Variants in ARHGEF26 observed in about 807,000 individuals in gnomAD.
ARHGEF26 encodes Rho guanine nucleotide exchange factor 26, also known as Rho guanine nucleotide exchange factor (GEF) 26.
In ARHGEF26, 59 loss-of-function variants were observed where a neutral mutation model predicts 89.4. That is an observed-to-expected ratio of 0.66 (90% confidence interval 0.54 to 0.82). ARHGEF26 has a LOEUF of 0.82. ARHGEF26 is among the 40% of genes least tolerant of loss of function. The pLI is 0.00. For synonymous variants in ARHGEF26, 500 were observed against 428.4 expected (o/e 1.17, Z -2.06); for missense variants, 1,234 against 1,085.6 (o/e 1.14, Z -1.92).
intron 11 of ARHGEF26, among the ~76,000 whole-genome samples, chr3:154,239,261 G>GGGAGAGAGAGA (rs1717314182): frequency 9.5e-6 from 1 of 105,586 alleles, no homozygotes; most frequent in African/African-American, 4.1e-5. Flanking sequence ...AGAGAGAGAG[G>GGGAGAGAGAGA]GAGAGAGAGA....
chr3:154,122,297 G>A lies in ARHGEF26; in HGVS notation c.305G>A (p.Arg102Lys). The A allele has an allele frequency of 6.2e-7, 1 of 1,612,734 alleles. No homozygotes were observed. Among genetic ancestry groups the A allele is most frequent in the Non-Finnish European group, 8.5e-7 (1 of 1,179,816 alleles). Residue 102 changes from arginine to lysine, a missense_variant, in exon 2 of 15, where the codon AGG becomes AAG. Arg to Lys is a conservative substitution (Grantham distance 26). Coordinates refer to ENST00000465093, the MANE Select transcript of ARHGEF26 (RefSeq NM_015595.4). ...GGTGGGACGGCATCCCCGGAGTACA[G>A]GGCTGCCTCTCCTCGACTTCGACGG... Reference protein sequence around the residue: ...ANGGTASPEYRAASPRLRRPK... With the variant: ...ANGGTASPEYKAASPRLRRPK...
At chr3:154,156,901 A>G (rs1337639177) in intron 6 of ARHGEF26, among the ~76,000 whole-genome samples, 2 of 152,160 alleles carry the variant, frequency 1.3e-5, no homozygotes, top group East Asian at 1.9e-4. Context: ...TCATTGTTTT[A>G]CTTTTACCTA....
chr3:154,201,309 C>T lies in ARHGEF26; in HGVS notation c.1845+6591C>T, dbSNP rs540053267. Among the ~76,000 whole-genome samples the T allele has an allele frequency of 2.9e-3, 448 of 152,172 alleles. 1 individual carries two copies. The highest frequency in any genetic ancestry group is 0.01 in the African/African-American group (421 of 41,514). On this transcript the variant is annotated intron_variant, in intron 9 of 14. Transcript: ENST00000465093. ...GAGAATGATGGTTTCCAGCTTCATCCATGTCCCTACAAAGGACATGAACTC... is the reference window on the plus strand; with the variant it reads ...GAGAATGATGGTTTCCAGCTTCATCTATGTCCCTACAAAGGACATGAACTC...
At chr3:154,137,199 C>T (rs1719061272) in intron 4 of ARHGEF26, among the ~76,000 whole-genome samples, 1 of 152,052 alleles carries the variant, frequency 6.6e-6, no homozygotes, top group Admixed American at 6.5e-5. Context: ...GATTAACAGC[C>T]GCAGATTACT....
At chr3:154,152,635 A>G in intron 5 of ARHGEF26, 137 bp from the exon 6 acceptor site, 1 of 541,608 alleles carries the variant, frequency 1.8e-6, no homozygotes, top group Non-Finnish European at 3.0e-6. Context: ...TGTTTCTTTA[A>G]TGTTCTTTTT....
chr3:154,125,752 A>G (rs1718291506), intron 3 of ARHGEF26, among the ~76,000 whole-genome samples: 1 of 152,064 alleles, frequency 6.6e-6, no homozygotes, highest in South Asian at 2.1e-4. Context: ...GTATCCTCTC[A>G]TTTCTTCTCA....
At chr3:154,136,465 G>A (rs1222084840) in intron 4 of ARHGEF26, among the ~76,000 whole-genome samples, 1 of 152,022 alleles carries the variant, frequency 6.6e-6, no homozygotes, top group Non-Finnish European at 1.5e-5. Flanking sequence ...TGGAATTGCA[G>A]GATGAGAAAG....
intron 10 of ARHGEF26, among the ~76,000 whole-genome samples, chr3:154,224,555 A>G (rs900335764): frequency 1.3e-5 from 2 of 152,186 alleles, no homozygotes; most frequent in Admixed American, 1.3e-4. Context: ...GTTTCCTGTA[A>G]TTCCGGCCCT....
chr3:154,190,690 G>A (rs1030938096), intron 7 of ARHGEF26, among the ~76,000 whole-genome samples: 1 of 152,146 alleles, frequency 6.6e-6, no homozygotes, highest in East Asian at 1.9e-4. Context: ...ACAGTATCTC[G>A]CTAAGTTTCA....
intron 6 of ARHGEF26, among the ~76,000 whole-genome samples, chr3:154,161,983 G>T (rs1467425905): frequency 1.3e-5 from 2 of 152,164 alleles, no homozygotes; most frequent in Non-Finnish European, 2.9e-5. Flanking sequence ...TAAGTCTGTG[G>T]ATTCTGAGTT....
At chr3:154,223,013 A>G (rs1253823384) in intron 10 of ARHGEF26, among the ~76,000 whole-genome samples, 2 of 152,240 alleles carry the variant, frequency 1.3e-5, no homozygotes, top group African/African-American at 4.8e-5. Flanking sequence ...TCTCAAATCC[A>G]GTGTTTTTTC....
intron 3 of ARHGEF26, 70 bp from the exon 4 acceptor site, chr3:154,129,504 A>T (rs1718544979): frequency 6.6e-7 from 1 of 1,512,506 alleles, no homozygotes; most frequent in Admixed American, 2.1e-5. Flanking sequence ...GGTACATATG[A>T]TGTTTATTTA....
rs542460280 is a variant in ARHGEF26, at chr3:154,190,133, G to A, written c.1641-1156G>A. Among the ~76,000 whole-genome samples the A allele has an allele frequency of 1.4e-3, 215 of 152,226 alleles. 1 individual carries two copies. The highest frequency in any genetic ancestry group is 5.1e-3 in the African/African-American group (212 of 41,536). Reference sequence around the variant, plus strand: ...CTCCTTGCCTTGGAAAGTGGCAGTGGAACTCTACAGAGCTCCTCATGGGAT... The same window carrying A: ...CTCCTTGCCTTGGAAAGTGGCAGTGAAACTCTACAGAGCTCCTCATGGGAT... On this transcript the variant is annotated intron_variant, in intron 7 of 14. Transcript: ENST00000465093.
chr3:154,245,767 G>A (rs1333548741), intron 12 of ARHGEF26, among the ~76,000 whole-genome samples: 1 of 152,170 alleles, frequency 6.6e-6, no homozygotes, highest in African/African-American at 2.4e-5. Flanking sequence ...CAAGAGAGTG[G>A]CCTTCATTTC....
chr3:154,226,660 T>TATACACACAC (rs1491515906), intron 11 of ARHGEF26, among the ~76,000 whole-genome samples: 1 of 148,066 alleles, frequency 6.8e-6, no homozygotes, highest in African/African-American at 2.5e-5. Flanking sequence ...GTTTCTGTTC[T>TATACACACAC]ACACACACAC....
At chr3:154,183,762 A>C (rs949482613) in intron 6 of ARHGEF26, among the ~76,000 whole-genome samples, 7 of 152,162 alleles carry the variant, frequency 4.6e-5, no homozygotes, top group Non-Finnish European at 7.3e-5. Flanking sequence ...CCTTATTTTT[A>C]ATATCGTACT....
intron 9 of ARHGEF26, among the ~76,000 whole-genome samples, chr3:154,209,904 C>T (rs889370391): frequency 3.3e-5 from 5 of 152,200 alleles, no homozygotes; most frequent in African/African-American, 4.8e-5. Context: ...AAGTCTAAAA[C>T]CTCAGAAGTC....
chr3:154,200,729 G>A (rs912232298), intron 9 of ARHGEF26, among the ~76,000 whole-genome samples: 1 of 151,282 alleles, frequency 6.6e-6, no homozygotes, highest in Non-Finnish European at 1.5e-5. Context: ...CCATGAACAT[G>A]GAATATTTTT....
intron 4 of ARHGEF26, among the ~76,000 whole-genome samples, chr3:154,135,436 G>C (rs1268105095): frequency 6.6e-6 from 1 of 152,064 alleles, no homozygotes; most frequent in Non-Finnish European, 1.5e-5. Context: ...CCCTTGTCCT[G>C]AAATAATGTT....
Sources: allele counts gnomAD v4.1 joint callset (sites outside exome capture counted in the v4.1 genomes callset), GRCh38; gene constraint gnomAD v4.1.1; transcripts MANE v1.5; gene names NCBI Gene and HGNC (gene_info 2026-07-23, HGNC 2026-07-21).